Variants in HS3ST5 observed in about 807,000 individuals in gnomAD.
HS3ST5 encodes the protein heparan sulfate-glucosamine 3-sulfotransferase 5, also known as heparan sulfate glucosamine 3-O-sulfotransferase 5.
HS3ST5 carries 10 observed loss-of-function variants against 25.4 expected under a neutral mutation model. The observed-to-expected ratio is 0.39, with a 90% CI of 0.24 to 0.67. The LOEUF (loss-of-function observed/expected upper bound fraction) is 0.67, where lower values mean the gene tolerates loss of function less well. Ranked by LOEUF, HS3ST5 falls within the 30% of genes least tolerant of loss-of-function variation. The probability of loss-of-function intolerance (pLI) is 0.44; values close to 1 mark genes in which losing one functional copy is unlikely to be tolerated. For missense variants in HS3ST5, 324 were observed against 420.7 expected (o/e 0.77, Z 2.01); for synonymous variants, 170 against 162.4 (o/e 1.05, Z -0.36).
chr6:114,170,104 A>G (rs1372759486), intron 2 of HS3ST5, among the ~76,000 whole-genome samples: 1 of 152,180 alleles, frequency 6.6e-6, no homozygotes, highest in Non-Finnish European at 1.5e-5. Context: ...TGATTTTAAG[A>G]GAGAGCCCTT....
At chr6:114,205,434 C>T (rs1356319484) in intron 2 of HS3ST5, among the ~76,000 whole-genome samples, 1 of 152,132 alleles carries the variant, frequency 6.6e-6, no homozygotes, top group Admixed American at 6.6e-5. Flanking sequence ...ACAGAGCTTC[C>T]ATTCCCTCTC....
chr6:114,227,909 C>A (rs1230849030), intron 2 of HS3ST5, among the ~76,000 whole-genome samples: 1 of 152,030 alleles, frequency 6.6e-6, no homozygotes, highest in Non-Finnish European at 1.5e-5. Context: ...ATAGTGACAC[C>A]TGGGAATTAG....
At chr6:114,109,257 T>G (rs1302147799) in intron 3 of HS3ST5, among the ~76,000 whole-genome samples, 1 of 127,420 alleles carries the variant, frequency 7.8e-6, no homozygotes, top group Non-Finnish European at 1.8e-5. Context: ...GGTGTTTGTA[T>G]CTATATGTGT....
At chr6:114,221,678 T>A (rs72954528) in intron 2 of HS3ST5, among the ~76,000 whole-genome samples, 1,533 of 151,848 alleles carry the variant, frequency 0.01, 9 homozygotes, top group Non-Finnish European at 0.016. Context: ...TCAGTCCTCA[T>A]TTTTCTGATA....
chr6:114,142,037 T>G (rs77061252), intron 3 of HS3ST5, among the ~76,000 whole-genome samples: 2,232 of 152,256 alleles, frequency 0.015, 69 homozygotes, highest in African/African-American at 0.051. Flanking sequence ...TTTGTAATAT[T>G]CATGATATTT....
chr6:114,071,504 T>G (rs534312074), intron 3 of HS3ST5, among the ~76,000 whole-genome samples: 2 of 152,362 alleles, frequency 1.3e-5, no homozygotes, highest in Non-Finnish European at 2.9e-5. Context: ...TTTATTTGTG[T>G]GTAACTCTAA....
intron 3 of HS3ST5, among the ~76,000 whole-genome samples, chr6:114,068,033 T>A (rs1282446589): frequency 2.0e-5 from 3 of 152,032 alleles, no homozygotes; most frequent in Non-Finnish European, 2.9e-5. Flanking sequence ...TGAAACATAA[T>A]TAATAGCTTC....
At chr6:114,067,728 G>A (rs149537560) in intron 3 of HS3ST5, among the ~76,000 whole-genome samples, 65 of 152,226 alleles carry the variant, frequency 4.3e-4, no homozygotes, top group African/African-American at 1.5e-3. Context: ...GGCCCGGTAC[G>A]CATTCCAAGG....
chr6:114,269,977 T>C (rs758105186), intron 1 of HS3ST5, among the ~76,000 whole-genome samples: 28 of 152,172 alleles, frequency 1.8e-4, no homozygotes, highest in Non-Finnish European at 3.4e-4. Context: ...GGAGAAAACA[T>C]TGGGCTTATG....
At chr6:114,312,598 A>C (rs57078191) in intron 1 of HS3ST5, among the ~76,000 whole-genome samples, 9,310 of 152,228 alleles carry the variant, frequency 0.061, 874 homozygotes, top group African/African-American at 0.2. Context: ...GACTTGTTAC[A>C]GACTGAGAGA....
intron 3 of HS3ST5, among the ~76,000 whole-genome samples, chr6:114,096,788 CCTGA>C (rs1266297970): frequency 2.0e-5 from 3 of 151,838 alleles, no homozygotes; most frequent in Non-Finnish European, 4.4e-5. Flanking sequence ...AGGTGGGAGG[CCTGA>C]CTATCACAGC....
chr6:114,168,865 G>C (rs569198353), intron 2 of HS3ST5, among the ~76,000 whole-genome samples: 3 of 152,276 alleles, frequency 2.0e-5, no homozygotes, highest in Admixed American at 2.0e-4. Context: ...TGTATCTCCA[G>C]ACCTGTTGAT....
intron 1 of HS3ST5, among the ~76,000 whole-genome samples, chr6:114,303,953 A>G (rs887647039): frequency 2.0e-5 from 3 of 152,138 alleles, no homozygotes; most frequent in Non-Finnish European, 4.4e-5. Context: ...AACCACAGTA[A>G]TGACTGGCTG....
chr6:114,082,179 C>T (rs1219900137), intron 3 of HS3ST5, among the ~76,000 whole-genome samples: 1 of 152,158 alleles, frequency 6.6e-6, no homozygotes, highest in Non-Finnish European at 1.5e-5. Flanking sequence ...GAAATATTTT[C>T]CTTAATTTCT....
At chr6:114,277,587 G>T (rs1011718985) in intron 1 of HS3ST5, among the ~76,000 whole-genome samples, 2 of 151,494 alleles carry the variant, frequency 1.3e-5, no homozygotes, top group Non-Finnish European at 2.9e-5. Flanking sequence ...CATTCCATTT[G>T]TATCTCTGGA....
At chr6:114,235,581 G>A (rs1300434752) in intron 1 of HS3ST5, 2 of 152,090 alleles carry the variant, frequency 1.3e-5, no homozygotes, top group Non-Finnish European at 2.9e-5. Flanking sequence ...GGAAGGGGAG[G>A]GCTAGATGAG....
intron 3 of HS3ST5, among the ~76,000 whole-genome samples, chr6:114,096,770 T>A (rs1775448667): frequency 6.6e-6 from 1 of 152,130 alleles, no homozygotes; most frequent in Admixed American, 6.6e-5. Flanking sequence ...GGCTCTCTAA[T>A]ATTCCATAGG....
rs144447041 is a variant in HS3ST5, at chr6:114,307,974, T to C, written c.-339+34221A>G. 4.6e-4 allele frequency among the ~76,000 whole-genome samples: 70 copies of C among 152,282 alleles called. 1 individual carries two copies. The highest frequency in any genetic ancestry group is 1.6e-3 in the African/African-American group (66 of 41,574). On this transcript the variant is annotated intron_variant, in intron 1 of 4. Coordinates refer to ENST00000312719, the MANE Select transcript of HS3ST5 (RefSeq NM_153612.4). The stretch of plus-strand genomic sequence containing the variant: ...AAAATACCTAATGAGTTGTGTCATA[T>C]AATGAATGCTTAGAAATTGCTTTAG...
At chr6:114,315,178 C>T (rs550410710) in intron 1 of HS3ST5, among the ~76,000 whole-genome samples, 121 of 152,202 alleles carry the variant, frequency 7.9e-4, no homozygotes, top group Non-Finnish European at 1.5e-3. Flanking sequence ...AATAAATTTT[C>T]ATGTGTGGAA....
Sources: gnomAD v4.1 joint callset for allele counts (sites outside exome capture counted in the v4.1 genomes callset) on GRCh38, gnomAD v4.1.1 for gene constraint, MANE v1.5 for transcripts, NCBI Gene and HGNC (gene_info 2026-07-23, HGNC 2026-07-21) for gene names.